GPC6: variants seen among roughly 807,000 people sequenced by gnomAD.
GPC6 encodes the protein glypican-6.
In GPC6, 14 loss-of-function variants were observed where a neutral mutation model predicts 55.2. The ratio of observed to expected loss-of-function variants is 0.25; its 90% CI spans 0.17 to 0.40. GPC6 has a LOEUF of 0.40. Ranked by LOEUF, GPC6 falls within the 10% of genes least tolerant of loss-of-function variation. The pLI is 1.00. For missense variants in GPC6, 641 were observed against 708.5 expected, an observed-to-expected ratio of 0.90 and a Z score of 1.08; for synonymous variants, 278 against 259.6, an observed-to-expected ratio of 1.07 and a Z score of -0.68.
At chr13:94,329,290 A>C (rs1240242994) in intron 6 of GPC6, among the ~76,000 whole-genome samples, 1 of 152,198 alleles carries the variant, frequency 6.6e-6, no homozygotes, top group Non-Finnish European at 1.5e-5. Flanking sequence ...TTCTCCCTGC[A>C]TGTTCAACGT....
intron 3 of GPC6, among the ~76,000 whole-genome samples, chr13:93,973,533 G>A (rs1322636183): frequency 6.7e-6 from 1 of 148,664 alleles, no homozygotes; most frequent in Non-Finnish European, 1.5e-5. Context: ...ATCTAACTAT[G>A]ATTTCTATAA....
At chr13:94,323,904 A>C (rs535385791) in intron 6 of GPC6, among the ~76,000 whole-genome samples, 1 of 152,314 alleles carries the variant, frequency 6.6e-6, no homozygotes, top group South Asian at 2.1e-4. Context: ...GAAGTGGCTG[A>C]TATGGCTTCC....
intron 2 of GPC6, among the ~76,000 whole-genome samples, chr13:93,707,379 T>G (rs2138803359): frequency 6.6e-6 from 1 of 151,888 alleles, no homozygotes; most frequent in Non-Finnish European, 1.5e-5. Flanking sequence ...AATAAAAATT[T>G]TAAACATGTT....
chr13:93,910,750 A>T (rs560163279), intron 3 of GPC6, among the ~76,000 whole-genome samples: 1 of 152,316 alleles, frequency 6.6e-6, no homozygotes, highest in African/African-American at 2.4e-5. Flanking sequence ...CCCAACCCTT[A>T]ATCCAGTCAA....
At chr13:94,107,792 C>G (rs751216778) in intron 4 of GPC6, among the ~76,000 whole-genome samples, 1 of 151,984 alleles carries the variant, frequency 6.6e-6, no homozygotes, top group Non-Finnish European at 1.5e-5. Flanking sequence ...AAAAAATGCT[C>G]AACATCACTA....
At chr13:93,455,611 A>G (rs1044011586) in intron 1 of GPC6, among the ~76,000 whole-genome samples, 4 of 152,154 alleles carry the variant, frequency 2.6e-5, no homozygotes, top group African/African-American at 9.7e-5. Context: ...GATGGAGGCA[A>G]AAAGATGGCA....
intron 1 of GPC6, among the ~76,000 whole-genome samples, chr13:93,481,437 TTTG>T (rs1156932703): frequency 5.9e-5 from 9 of 152,194 alleles, no homozygotes; most frequent in African/African-American, 9.6e-5. Flanking sequence ...TTTTTCAAAT[TTTG>T]TTGTTGTTGA....
At chr13:93,350,907 A>G (rs781642035) in intron 1 of GPC6, among the ~76,000 whole-genome samples, 4 of 152,138 alleles carry the variant, frequency 2.6e-5, no homozygotes, top group Non-Finnish European at 4.4e-5. Context: ...AACTTTTCAG[A>G]TGATGACAAA....
intron 2 of GPC6, among the ~76,000 whole-genome samples, chr13:93,622,639 G>A (rs760748298): frequency 3.5e-4 from 53 of 152,050 alleles, no homozygotes; most frequent in African/African-American, 1.2e-3. Context: ...TAATTGACAT[G>A]TAATAAGTGT....
intron 3 of GPC6, among the ~76,000 whole-genome samples, chr13:93,976,463 C>A (rs938784327): frequency 6.6e-6 from 1 of 151,456 alleles, no homozygotes; most frequent in African/African-American, 2.4e-5. Flanking sequence ...AAACCAAGGA[C>A]AAATGACTAA....
chr13:93,903,973 T>C (rs1282488462), intron 3 of GPC6, among the ~76,000 whole-genome samples: 1 of 152,132 alleles, frequency 6.6e-6, no homozygotes, highest in Non-Finnish European at 1.5e-5. Flanking sequence ...TAACACTGTG[T>C]CTTGCACATT....
At chr13:93,992,791 A>G (rs1881368515) in intron 3 of GPC6, among the ~76,000 whole-genome samples, 1 of 152,220 alleles carries the variant, frequency 6.6e-6, no homozygotes, top group African/African-American at 2.4e-5. Context: ...ATCATCACTT[A>G]TAAATTTAAA....
intron 6 of GPC6, among the ~76,000 whole-genome samples, chr13:94,320,923 T>C (rs951635408): frequency 6.6e-6 from 1 of 152,234 alleles, no homozygotes. Context: ...TTTTTTAAAC[T>C]TTTATTTTAG....
intron 1 of GPC6, among the ~76,000 whole-genome samples, chr13:93,345,994 T>C (rs1241735293): frequency 2.0e-5 from 3 of 152,180 alleles, no homozygotes; most frequent in African/African-American, 7.2e-5. Flanking sequence ...CATGCCCTTT[T>C]AAAATTCCGT....
intron 4 of GPC6, among the ~76,000 whole-genome samples, chr13:94,082,944 C>A (rs538837323): frequency 6.6e-6 from 1 of 152,256 alleles, no homozygotes; most frequent in Admixed American, 6.5e-5. Flanking sequence ...TGTATTTCTT[C>A]TAGAACTTAG....
chr13:93,327,790 T>C (rs953475379), intron 1 of GPC6, among the ~76,000 whole-genome samples: 4 of 151,586 alleles, frequency 2.6e-5, no homozygotes, highest in Non-Finnish European at 5.9e-5. Flanking sequence ...ACGGAATAAG[T>C]GTCTTAGCTA....
intron 2 of GPC6, among the ~76,000 whole-genome samples, chr13:93,771,867 A>C (rs1885310608): frequency 6.6e-6 from 1 of 152,196 alleles, no homozygotes; most frequent in African/African-American, 2.4e-5. Context: ...GCCTGTGGGG[A>C]ATCAAACTTA....
chr13:93,663,818 G>C (rs567336868), intron 2 of GPC6, among the ~76,000 whole-genome samples: 3 of 152,196 alleles, frequency 2.0e-5, no homozygotes, highest in South Asian at 4.1e-4. Context: ...TAGATGTATA[G>C]GTAAAAATGC....
At chr13:94,062,143 G>A (rs559675899) in intron 4 of GPC6, among the ~76,000 whole-genome samples, 36 of 151,520 alleles carry the variant, frequency 2.4e-4, no homozygotes, top group African/African-American at 4.1e-4. Flanking sequence ...TTTTTTTTTC[G>A]TTTGTTTTGT....
Sources: gnomAD v4.1 joint callset for allele counts (sites outside exome capture counted in the v4.1 genomes callset) on GRCh38, gnomAD v4.1.1 for gene constraint, MANE v1.5 for transcripts, NCBI Gene and HGNC (gene_info 2026-07-23, HGNC 2026-07-21) for gene names.